Variants in PYGL observed in about 807,000 individuals in gnomAD.
The protein encoded by PYGL is glycogen phosphorylase L, also known as glycogen phosphorylase, liver form.
A neutral mutation model predicts 100.1 loss-of-function variants in PYGL; 90 were observed. That is an observed-to-expected ratio of 0.90 (90% confidence interval 0.76 to 1.07). The LOEUF (loss-of-function observed/expected upper bound fraction) is 1.07. Ranked by LOEUF, PYGL falls within the 50% of genes least tolerant of loss-of-function variation. The pLI is 0.00. For synonymous variants in PYGL, 373 were observed against 393.0 expected (o/e 0.95, Z 0.60); for missense variants, 1,016 against 1,057.6 (o/e 0.96, Z 0.55).
chr14:50,930,534 C>T (rs1264409775), intron 4 of PYGL, among the ~76,000 whole-genome samples: 4 of 152,276 alleles, frequency 2.6e-5, no homozygotes, highest in Non-Finnish European at 4.4e-5. Context: ...CCACTCTATC[C>T]CTAATATTCT....
At chr14:50,932,684 G>C (rs2050612956) in intron 3 of PYGL, among the ~76,000 whole-genome samples, 1 of 152,222 alleles carries the variant, frequency 6.6e-6, no homozygotes, top group Non-Finnish European at 1.5e-5. Flanking sequence ...ATCCAGAACA[G>C]TTAACCAACA....
Position 50,916,971 on chromosome 14 carries a change from G to A in PYGL, c.990C>T (p.Phe330=), listed in dbSNP as rs1566503970. The A allele has an allele frequency of 6.2e-7, 1 of 1,614,180 alleles. No individual in the cohort carries two copies. Residue 330 remains phenylalanine, a synonymous_variant, in exon 8 of 20, where the codon TTC becomes TTT. Transcript: ENST00000216392. ...TRGAGTVFDA[F]PDQVAIQLND... ...CAGACTAAATACTTGCCTGATCCGG[G>A]AAGGCATCAAACACAGTTCCTGCAC...
intron 4 of PYGL, among the ~76,000 whole-genome samples, chr14:50,924,837 T>C (rs1307608778): frequency 1.3e-5 from 2 of 152,226 alleles, no homozygotes; most frequent in Non-Finnish European, 2.9e-5. Context: ...TTTTAAACTA[T>C]GGTTTCTATT....
At chr14:50,919,597 A>T (rs1226932511) in intron 7 of PYGL, among the ~76,000 whole-genome samples, 1 of 152,168 alleles carries the variant, frequency 6.6e-6, no homozygotes, top group African/African-American at 2.4e-5. Context: ...ACCCATAGAG[A>T]AGTTTAGAGT....
intron 12 of PYGL, 86 bp downstream of exon 12, chr14:50,914,615 C>T: frequency 8.8e-7 from 1 of 1,136,798 alleles, no homozygotes; most frequent in Non-Finnish European, 1.3e-6. Context: ...AGCCCTGCTG[C>T]AGACTGGATT....
Position 50,905,544 on chromosome 14 carries a change from A to C in PYGL, c.2392T>G (p.Trp798Gly), listed in dbSNP as rs1176778530. The C allele has an allele frequency of 3.1e-6, 5 of 1,614,030 alleles. No homozygotes were observed. The highest frequency in any genetic ancestry group is 4.2e-6 in the Non-Finnish European group (5 of 1,179,900). ...VSQLYMNPKA[W>G]NTMVLKNIAA... ...ATGTTTTTGAGTACCATTGTGTTCC[A>C]GGCCTTTGGATTCTGTAAACAACAT... is the stretch of plus-strand genomic sequence containing the variant. The change falls in exon 20 of 20, where the codon TGG becomes GGG. Residue 798 changes from tryptophan (W) to glycine (G), a missense_variant. Physicochemically the swap from Trp to Gly is radical, Grantham distance 184 (BLOSUM62 -2). Transcript: ENST00000216392.
intron 3 of PYGL, among the ~76,000 whole-genome samples, chr14:50,934,528 G>C (rs1369048218): frequency 7.9e-5 from 12 of 151,946 alleles, no homozygotes; most frequent in Non-Finnish European, 5.9e-5. Context: ...CATACAGTGT[G>C]ATACCATTTA....
intron 9 of PYGL, among the ~76,000 whole-genome samples, chr14:50,916,355 A>G (rs1432352209): frequency 6.6e-6 from 1 of 152,188 alleles, no homozygotes; most frequent in African/African-American, 2.4e-5. Context: ...CTGAGGTTAG[A>G]TAATTTAATT....
chr14:50,926,752 A>AAAAAAAT (rs2050551945), intron 4 of PYGL, among the ~76,000 whole-genome samples: 4 of 145,106 alleles, frequency 2.8e-5, no homozygotes, highest in African/African-American at 7.6e-5. Context: ...AAAAAAAAAA[A>AAAAAAAT]AGAAAAAGTC....
intron 17 of PYGL, among the ~76,000 whole-genome samples, chr14:50,909,585 A>G (rs1194236777): frequency 6.6e-6 from 1 of 152,240 alleles, no homozygotes; most frequent in East Asian, 1.9e-4. Flanking sequence ...TCCAACTAGA[A>G]ACTGGTTCAT....
At chr14:50,932,409 A>G (rs1353799089) in intron 3 of PYGL, among the ~76,000 whole-genome samples, 4 of 152,192 alleles carry the variant, frequency 2.6e-5, no homozygotes, top group African/African-American at 7.2e-5. Flanking sequence ...TGGGCATACA[A>G]TGACATTCAA....
chr14:50,913,192 G>C (rs190074259), intron 12 of PYGL, 62 bp from the exon 13 acceptor site: 2 of 1,358,450 alleles, frequency 1.5e-6, no homozygotes, highest in African/African-American at 2.8e-5. Flanking sequence ...CAAATGGGCA[G>C]TTTCTGTCAG....
Position 50,912,206 on chromosome 14 carries a change from T to C in PYGL, c.1718A>G (p.Glu573Gly). 1 of 1,614,218 alleles carries C rather than the reference T, an allele frequency of 6.2e-7. No homozygotes were observed. The highest frequency in any genetic ancestry group is 8.5e-7 in the Non-Finnish European group (1 of 1,180,038). The change falls in exon 14 of 20, where the codon GAG becomes GGG. Residue 573 changes from glutamate (E) to glycine (G), a missense_variant. Glu to Gly is a moderately conservative substitution (Grantham distance 98). Coordinates refer to ENST00000216392, the MANE Select transcript of PYGL (RefSeq NM_002863.5). ...MFDVQVKRIHEYKRQLLNCLH... is the reference protein window; with the variant it reads ...MFDVQVKRIHGYKRQLLNCLH... ...ACAGTTCAAGAGCTGTCGCTTGTAC[T>C]CATGTATCCTCTTCACCTGGACATC...
At chr14:50,910,675 T>A (rs1490303755) in intron 16 of PYGL, among the ~76,000 whole-genome samples, 3 of 152,174 alleles carry the variant, frequency 2.0e-5, no homozygotes, top group African/African-American at 7.2e-5. Flanking sequence ...CAGGCTGAAC[T>A]TCTCTCTCTT....
chr14:50,935,252 T>G (rs1340595459), intron 2 of PYGL, 67 bp from the exon 3 acceptor site: 2 of 1,248,364 alleles, frequency 1.6e-6, no homozygotes, highest in Middle Eastern at 1.8e-4. Flanking sequence ...GGACAGCCAT[T>G]TCCTACAGCT....
chr14:50,916,198 C>G (rs1003135477), intron 9 of PYGL, among the ~76,000 whole-genome samples: 3 of 152,238 alleles, frequency 2.0e-5, no homozygotes, highest in Admixed American at 6.5e-5. Flanking sequence ...AGACAGCATT[C>G]TGATCAATCT....
chr14:50,908,426 C>G lies in PYGL; in HGVS notation c.2313-89G>C, dbSNP rs180747644. The G allele has an allele frequency of 3.4e-5, 42 of 1,232,300 alleles. No individual in the cohort carries two copies. The African/African-American group carries it at 4.5e-4, about 13-fold the overall frequency. The allele number at this position is 1,232,300 out of a possible 1,614,324, so 76.3% of individuals were successfully genotyped here. Reference sequence around the variant, plus strand: ...AAATTCCATGTAAAATCATCTTTTGCTTAATATCAGGCATGGCTGGTTTAC... The same window carrying G: ...AAATTCCATGTAAAATCATCTTTTGGTTAATATCAGGCATGGCTGGTTTAC... On this transcript the variant is annotated intron_variant, in intron 18 of 19. Transcript: ENST00000216392.
chr14:50,906,583 G>T (rs149750590), intron 19 of PYGL, among the ~76,000 whole-genome samples: 2 of 152,176 alleles, frequency 1.3e-5, no homozygotes, highest in Non-Finnish European at 2.9e-5. Flanking sequence ...GATGAGCATC[G>T]TTTGGATTTG....
chr14:50,922,251 A>G (rs10140858), intron 5 of PYGL, among the ~76,000 whole-genome samples: 49,269 of 152,038 alleles, frequency 0.32, 8,386 homozygotes, highest in East Asian at 0.55. Context: ...CTTGCCCAAG[A>G]TCACAGTCAT....
Sources: allele counts gnomAD v4.1 joint callset (sites outside exome capture counted in the v4.1 genomes callset), GRCh38; gene constraint gnomAD v4.1.1; transcripts MANE v1.5; gene names NCBI Gene and HGNC (gene_info 2026-07-23, HGNC 2026-07-21).